USP25: variants seen among roughly 807,000 people sequenced by gnomAD.
The protein encoded by USP25 is ubiquitin specific peptidase 25.
USP25 carries 85 observed loss-of-function variants against 158.5 expected under a neutral mutation model. The ratio of observed to expected loss-of-function variants is 0.54; its 90% confidence interval spans 0.45 to 0.64. USP25 has a LOEUF of 0.64. Among genes scored for constraint, USP25 ranks in the 30% least tolerant of loss-of-function variants. The probability of loss-of-function intolerance (pLI) is 0.00; values close to 1 mark genes in which losing one functional copy is unlikely to be tolerated. For missense variants in USP25, 1,242 were observed against 1,327.3 expected (o/e 0.94, Z 1.00); for synonymous variants, 464 against 460.4 (o/e 1.01, Z -0.10).
intron 3 of USP25, among the ~76,000 whole-genome samples, chr21:15,768,553 G>A (rs2034169464): frequency 6.6e-6 from 1 of 151,984 alleles, no homozygotes; most frequent in African/African-American, 2.4e-5. Context: ...TTAATTCTTG[G>A]AAGATGTGGT....
chr21:15,865,553 A>G (rs2039619117), intron 21 of USP25, among the ~76,000 whole-genome samples: 1 of 152,216 alleles, frequency 6.6e-6, no homozygotes, highest in Non-Finnish European at 1.5e-5. Context: ...GACATCATTT[A>G]TTTTGATACA....
intron 23 of USP25, among the ~76,000 whole-genome samples, chr21:15,873,683 G>C (rs1438310677): frequency 6.6e-6 from 1 of 151,904 alleles, no homozygotes; most frequent in Non-Finnish European, 1.5e-5. Context: ...AGTAGAGGCG[G>C]GGTTTCTCCA....
chr21:15,730,253 C>A lies in USP25; in HGVS notation c.-141C>A. On this transcript the variant is annotated 5_prime_UTR_variant, in exon 1 of 26. Coordinates refer to ENST00000400183, the MANE Select transcript of USP25 (RefSeq NM_001283041.3). ...CGCGCACGCCGGCCGCCATCGCCTT[C>A]GCGCCTGGCTGGCGGGGGCGCTGTC... The A allele has an allele frequency of 1.1e-6, 1 of 917,774 alleles. No homozygotes were observed. Among genetic ancestry groups the A allele is most frequent in the Non-Finnish European group, 1.3e-6 (1 of 768,666 alleles). 56.9% of individuals were successfully genotyped at this position (917,774 alleles called of 1,614,324 possible). A position where few individuals can be genotyped will look rare whatever the true frequency, so the allele number is the denominator to read the frequency against.
At chr21:15,872,834 A>G (rs558985511) in intron 23 of USP25, among the ~76,000 whole-genome samples, 2 of 152,286 alleles carry the variant, frequency 1.3e-5, no homozygotes, top group African/African-American at 4.8e-5. Context: ...ATCTAAGTAC[A>G]TGAATTAAGT....
rs2037532348 is a variant in USP25, at chr21:15,826,893, A to G, written c.1467-84A>G. Reference sequence around the variant, plus strand: ...ATTTTTTCTTTTGAATTACAAGCCAATTTAATACTGTGGGTTTGGCACGAT... The same window carrying G: ...ATTTTTTCTTTTGAATTACAAGCCAGTTTAATACTGTGGGTTTGGCACGAT... On this transcript the variant is annotated intron_variant, in intron 13 of 25. Transcript: ENST00000400183. The surrounding 1 kb of genome is among the most constrained non-coding windows in gnomAD (Gnocchi z 4.8). 4 of 1,411,746 alleles carry G rather than the reference A, an allele frequency of 2.8e-6. No individual in the cohort carries two copies. Among genetic ancestry groups the G allele is most frequent in the Non-Finnish European group, 2.9e-6 (3 of 1,021,100 alleles). 87.5% of individuals were successfully genotyped at this position (1,411,746 alleles called of 1,614,324 possible). A position where few individuals can be genotyped will look rare whatever the true frequency, so the allele number is the denominator to read the frequency against.
intron 20 of USP25, among the ~76,000 whole-genome samples, chr21:15,860,975 T>TATAGAG (rs910137325): frequency 8.4e-4 from 118 of 140,658 alleles, no homozygotes; most frequent in Admixed American, 3.7e-3. Flanking sequence ...TATATATATA[T>TATAGAG]AGAGAGAGAG....
chr21:15,832,773 C>T (rs1414037939), intron 16 of USP25, among the ~76,000 whole-genome samples: 1 of 151,652 alleles, frequency 6.6e-6, no homozygotes, highest in Non-Finnish European at 1.5e-5. Context: ...AATCCCAGCA[C>T]TTTGGGAGGC....
chr21:15,811,928 GA>G (rs1033562962), intron 9 of USP25, among the ~76,000 whole-genome samples: 2 of 151,970 alleles, frequency 1.3e-5, no homozygotes, highest in Admixed American at 6.5e-5. Flanking sequence ...TGTAAAATTT[GA>G]AAAAATGCTT....
intron 3 of USP25, among the ~76,000 whole-genome samples, chr21:15,768,399 A>G (rs748135437): frequency 2.6e-5 from 4 of 152,120 alleles, no homozygotes; most frequent in Non-Finnish European, 5.9e-5. Context: ...TCCATTAAAC[A>G]TTCCTGCCAG....
chr21:15,866,221 A>G (rs2039650521), intron 21 of USP25, 45 bp from the exon 22 acceptor site: 1 of 1,201,366 alleles, frequency 8.3e-7, no homozygotes, highest in Non-Finnish European at 1.1e-6. Flanking sequence ...ATATATATAT[A>G]CACACACATA....
chr21:15,794,584 C>G (rs780993691), intron 5 of USP25, among the ~76,000 whole-genome samples: 1 of 151,472 alleles, frequency 6.6e-6, no homozygotes, highest in Non-Finnish European at 1.5e-5. Context: ...CCCCTTAGCA[C>G]CTTTCCATTT....
At chr21:15,762,149 C>CA (rs2033768420) in intron 1 of USP25, among the ~76,000 whole-genome samples, 1 of 122,310 alleles carries the variant, frequency 8.2e-6, no homozygotes, top group African/African-American at 4.4e-5. Context: ...TTCAATAGAT[C>CA]CTATTCTATT....
chr21:15,742,907 G>A (rs116505752), intron 1 of USP25, among the ~76,000 whole-genome samples: 4,126 of 152,278 alleles, frequency 0.027, 172 homozygotes, highest in African/African-American at 0.094. Context: ...TGGGTATACC[G>A]CATGTGGCTT....
At chr21:15,863,843 T>G (rs886405033) in intron 20 of USP25, among the ~76,000 whole-genome samples, 3 of 152,042 alleles carry the variant, frequency 2.0e-5, no homozygotes, top group African/African-American at 7.2e-5. Context: ...GAGACCAGCC[T>G]GGCCAACATA....
intron 3 of USP25, among the ~76,000 whole-genome samples, chr21:15,772,442 T>A (rs1388539275): frequency 6.6e-6 from 1 of 152,214 alleles, no homozygotes; most frequent in Admixed American, 6.5e-5. Context: ...GCTGTTGAAT[T>A]GTATTCACGC....
chr21:15,769,978 T>G (rs886351323), intron 3 of USP25, among the ~76,000 whole-genome samples: 1 of 151,886 alleles, frequency 6.6e-6, no homozygotes, highest in African/African-American at 2.4e-5. Flanking sequence ...TTTTTTTTTC[T>G]TTTTTTCTAA....
intron 3 of USP25, among the ~76,000 whole-genome samples, chr21:15,773,910 A>G (rs1168176591): frequency 6.6e-6 from 1 of 152,200 alleles, no homozygotes. Flanking sequence ...TGTCTGCCAT[A>G]TTAGAGGAGA....
At chr21:15,788,041 G>C (rs1334385613) in intron 4 of USP25, among the ~76,000 whole-genome samples, 1 of 151,694 alleles carries the variant, frequency 6.6e-6, no homozygotes, top group Non-Finnish European at 1.5e-5. Context: ...TTTTTATATT[G>C]CTTACTACCA....
chr21:15,826,064 A>T lies in USP25; in HGVS notation c.1305-140A>T. 1.0e-6 allele frequency: 1 copy of T among 975,534 alleles called. No individual in the cohort carries two copies. Among genetic ancestry groups the T allele is most frequent in the Non-Finnish European group, 1.5e-6 (1 of 679,292 alleles). The allele number at this position is 975,534 out of a possible 1,614,324, so 60.4% of individuals were successfully genotyped here. A position where few individuals can be genotyped will look rare whatever the true frequency, so the allele number is the denominator to read the frequency against. On this transcript the variant is annotated intron_variant, in intron 12 of 25. Coordinates refer to ENST00000400183, the MANE Select transcript of USP25 (RefSeq NM_001283041.3). The surrounding 1 kb of genome is among the most constrained non-coding windows in gnomAD (Gnocchi z 4.8). ...TTTTCTTAAGTGTATATTCAGTTTT[A>T]CCATCTTCGTTTTAAAGCAAATGAA...
Sources: allele counts gnomAD v4.1 joint callset (sites outside exome capture counted in the v4.1 genomes callset), GRCh38; gene constraint gnomAD v4.1.1; non-coding constraint Gnocchi (gnomAD v3.1); transcripts MANE v1.5; gene names NCBI Gene and HGNC (gene_info 2026-07-23, HGNC 2026-07-21).